The following MEIKIN variants were observed in gnomAD, a reference collection of about 807,000 sequenced individuals.
MEIKIN encodes the protein meiosis-specific kinetochore protein.
chr5:131,861,160 G>A (rs1196099447), intron 9 of MEIKIN, among the ~76,000 whole-genome samples: 6 of 152,092 alleles, frequency 3.9e-5, no homozygotes, highest in South Asian at 2.1e-4. Context: ...GGAGGCCGAA[G>A]TGGGCGGATC....
intron 9 of MEIKIN, among the ~76,000 whole-genome samples, chr5:131,858,666 A>AT (rs1402122259): frequency 6.6e-6 from 1 of 152,238 alleles, no homozygotes; most frequent in African/African-American, 2.4e-5. Context: ...ATGGGAGAAA[A>AT]TATTTGCAAA....
At chr5:131,845,042 G>A (rs549235165) in intron 11 of MEIKIN, among the ~76,000 whole-genome samples, 14 of 152,120 alleles carry the variant, frequency 9.2e-5, no homozygotes, top group South Asian at 2.1e-4. Context: ...AGGCCGAGGC[G>A]GGTGGATCAT....
At chr5:131,868,600 T>C (rs1020839248) in intron 9 of MEIKIN, among the ~76,000 whole-genome samples, 1 of 152,010 alleles carries the variant, frequency 6.6e-6, no homozygotes, top group Non-Finnish European at 1.5e-5. Flanking sequence ...AGACAGGGTA[T>C]CACTCTGTTG....
chr5:131,819,758 T>C (rs1344688339), intron 11 of MEIKIN, among the ~76,000 whole-genome samples: 1 of 138,316 alleles, frequency 7.2e-6, no homozygotes, highest in Non-Finnish European at 1.5e-5. Flanking sequence ...CACCACTACA[T>C]CCAGCTATTT....
At chr5:131,899,917 A>G (rs985061771) in intron 8 of MEIKIN, among the ~76,000 whole-genome samples, 1 of 152,254 alleles carries the variant, frequency 6.6e-6, no homozygotes, top group Non-Finnish European at 1.5e-5. Context: ...TCTTCCAAAC[A>G]GAAAGTCAAC....
chr5:131,836,390 T>G (rs1749807891), intron 11 of MEIKIN, among the ~76,000 whole-genome samples: 1 of 152,236 alleles, frequency 6.6e-6, no homozygotes, highest in Admixed American at 6.5e-5. Flanking sequence ...TAGAACAATT[T>G]ATATTCCTTT....
At chr5:131,884,399 C>A (rs553568434) in intron 8 of MEIKIN, among the ~76,000 whole-genome samples, 1 of 151,996 alleles carries the variant, frequency 6.6e-6, no homozygotes, top group South Asian at 2.1e-4. Context: ...AAGGCTCTGG[C>A]TCCCAGACAA....
intron 7 of MEIKIN, among the ~76,000 whole-genome samples, chr5:131,913,927 C>A (rs757743974): frequency 2.0e-5 from 3 of 152,152 alleles, no homozygotes; most frequent in Non-Finnish European, 4.4e-5. Flanking sequence ...ATTTAATAGC[C>A]AACGTGGTAG....
chr5:131,841,446 G>A (rs142467527), intron 11 of MEIKIN, among the ~76,000 whole-genome samples: 11 of 152,278 alleles, frequency 7.2e-5, no homozygotes, highest in East Asian at 1.9e-4. Context: ...GCAGCAGTAT[G>A]TCTGTTTCTA....
chr5:131,902,084 C>T (rs758951997), intron 8 of MEIKIN, among the ~76,000 whole-genome samples: 3 of 152,172 alleles, frequency 2.0e-5, no homozygotes, highest in Non-Finnish European at 4.4e-5. Flanking sequence ...CTCTCTTCTC[C>T]TGCTCCAGCC....
At chr5:131,900,448 G>C (rs984613839) in intron 8 of MEIKIN, among the ~76,000 whole-genome samples, 2 of 152,122 alleles carry the variant, frequency 1.3e-5, no homozygotes, top group Non-Finnish European at 2.9e-5. Context: ...CCTTACCATG[G>C]GCCTCTGGAA....
intron 9 of MEIKIN, among the ~76,000 whole-genome samples, chr5:131,872,198 C>A (rs1298697488): frequency 6.6e-6 from 1 of 151,980 alleles, no homozygotes; most frequent in Non-Finnish European, 1.5e-5. Context: ...TCAAACTACT[C>A]CGAGCTAAAG....
chr5:131,924,655 A>G (rs1025148016), intron 5 of MEIKIN, among the ~76,000 whole-genome samples: 3 of 151,826 alleles, frequency 2.0e-5, no homozygotes, highest in African/African-American at 7.3e-5. Flanking sequence ...TTATTTGTCT[A>G]TTTTTTCAAT....
intron 8 of MEIKIN, among the ~76,000 whole-genome samples, chr5:131,908,507 G>A (rs1271303485): frequency 1.3e-5 from 2 of 152,050 alleles, no homozygotes; most frequent in African/African-American, 2.4e-5. Context: ...GCCTTTCTTT[G>A]TAAACCTGGA....
chr5:131,821,516 T>C (rs1446065769), intron 11 of MEIKIN, among the ~76,000 whole-genome samples: 2 of 152,156 alleles, frequency 1.3e-5, no homozygotes, highest in East Asian at 1.9e-4. Flanking sequence ...GGTCCATTTG[T>C]TCTACAGTGC....
intron 8 of MEIKIN, among the ~76,000 whole-genome samples, chr5:131,888,443 C>T (rs1750841572): frequency 6.6e-6 from 1 of 152,154 alleles, no homozygotes; most frequent in Non-Finnish European, 1.5e-5. Context: ...TTTCGATTTG[C>T]ATTTCTCTGA....
intron 11 of MEIKIN, among the ~76,000 whole-genome samples, chr5:131,829,877 C>T (rs1489258230): frequency 1.3e-5 from 2 of 152,168 alleles, no homozygotes; most frequent in Admixed American, 1.3e-4. Flanking sequence ...GGAAGCATGG[C>T]CCTGCCAACA....
chr5:131,926,243 T>C (rs959051830), intron 5 of MEIKIN, among the ~76,000 whole-genome samples: 1 of 152,218 alleles, frequency 6.6e-6, no homozygotes, highest in Non-Finnish European at 1.5e-5. Context: ...GTTTTCATCA[T>C]AAAAGATGTT....
At chr5:131,943,884 G>A (rs553493292) in intron 3 of MEIKIN, among the ~76,000 whole-genome samples, 11 of 152,208 alleles carry the variant, frequency 7.2e-5, no homozygotes, top group East Asian at 3.9e-4. Context: ...ATGGGAGGCC[G>A]TGGCGAGCAG....
Sources: gnomAD v4.1 joint callset for allele counts (sites outside exome capture counted in the v4.1 genomes callset) on GRCh38, gnomAD v4.1.1 for gene constraint, MANE v1.5 for transcripts, NCBI Gene and HGNC (gene_info 2026-07-23, HGNC 2026-07-21) for gene names.